Variants in ERP44 observed in about 807,000 individuals in gnomAD.
ERP44 encodes endoplasmic reticulum resident protein 44.
In ERP44, 25 loss-of-function variants were observed where a neutral mutation model predicts 53.4. The ratio of observed to expected loss-of-function variants is 0.47; its 90% CI spans 0.34 to 0.65. The LOEUF (loss-of-function observed/expected upper bound fraction) is 0.65, where lower values mean the gene tolerates loss of function less well. Among genes scored for constraint, ERP44 ranks in the 30% least tolerant of loss-of-function variants. The pLI is 0.01. For missense variants in ERP44, 338 were observed against 493.2 expected (o/e 0.69, Z 2.98); for synonymous variants, 145 against 161.2 (o/e 0.90, Z 0.76).
intron 10 of ERP44, among the ~76,000 whole-genome samples, chr9:99,999,956 T>C (rs185841776): frequency 6.2e-4 from 95 of 152,346 alleles, no homozygotes; most frequent in Middle Eastern, 6.8e-3. Flanking sequence ...CTTTTCTCTC[T>C]CTTTTTGGTG....
intron 8 of ERP44, among the ~76,000 whole-genome samples, chr9:100,009,771 C>T (rs556786457): frequency 5.9e-4 from 90 of 152,280 alleles, no homozygotes; most frequent in African/African-American, 2.0e-3. Flanking sequence ...TAAACAAGTA[C>T]CTTAAATACT....
intron 1 of ERP44, among the ~76,000 whole-genome samples, chr9:100,079,020 G>C (rs1257597322): frequency 6.6e-6 from 1 of 152,142 alleles, no homozygotes; most frequent in Non-Finnish European, 1.5e-5. Flanking sequence ...GGGTGGACTT[G>C]TGATGGTTAA....
chr9:100,076,378 G>C (rs942620966), intron 1 of ERP44, among the ~76,000 whole-genome samples: 1 of 152,178 alleles, frequency 6.6e-6, no homozygotes, highest in African/African-American at 2.4e-5. Context: ...TGCACCAATG[G>C]CCTCATGGGG....
intron 10 of ERP44, among the ~76,000 whole-genome samples, chr9:99,999,675 T>G (rs1341192885): frequency 6.6e-6 from 1 of 152,202 alleles, no homozygotes; most frequent in Non-Finnish European, 1.5e-5. Context: ...GCAGAAACTT[T>G]TTAGTTTGAC....
At chr9:100,041,049 A>G (rs1208464995) in intron 4 of ERP44, among the ~76,000 whole-genome samples, 1 of 152,214 alleles carries the variant, frequency 6.6e-6, no homozygotes, top group African/African-American at 2.4e-5. Flanking sequence ...TGGAAGAATC[A>G]ATATTGTGAA....
Position 99,984,989 on chromosome 9 carries a change from G to A in ERP44, c.1097C>T (p.Pro366Leu), listed in dbSNP as rs1830181297. ...LHREFHHGPD[P>L]TDTAPGEQAQ... Reference sequence around the variant, plus strand: ...TACCTCTCCTGGGGCTGTATCAGTTGGGTCAGGTCCATGATGGAATTCTCT... The same window carrying A: ...TACCTCTCCTGGGGCTGTATCAGTTAGGTCAGGTCCATGATGGAATTCTCT... Residue 366 changes from proline to leucine, a missense_variant, in exon 11 of 12, where the codon CCA (proline) becomes CTA (leucine). Transcript: ENST00000262455. 2 of 1,611,622 alleles carry A rather than the reference G, an allele frequency of 1.2e-6. No individual in the cohort carries two copies. The highest frequency in any genetic ancestry group is 1.1e-5 in the South Asian group (1 of 90,998).
Position 100,072,671 on chromosome 9 carries a change from C to T in ERP44, c.58-12499G>A, listed in dbSNP as rs572248743. Among the ~76,000 whole-genome samples, 11 of 152,194 alleles carry T rather than the reference C, an allele frequency of 7.2e-5. No homozygotes were observed. The East Asian group carries it at 1.7e-3, about 24-fold the overall frequency. ...CTGAGTAGCTGGGATTACAAGTGTG[C>T]GCCACCACGTCTGGCTAATTTTTTG... On this transcript the variant is annotated intron_variant, in intron 1 of 11. Transcript: ENST00000262455.
At chr9:100,001,364 G>A (rs898852541) in intron 10 of ERP44, among the ~76,000 whole-genome samples, 3 of 152,088 alleles carry the variant, frequency 2.0e-5, no homozygotes, top group Non-Finnish European at 2.9e-5. Flanking sequence ...GTCCCTTTGA[G>A]CTAAAACTAT....
At chr9:99,994,506 G>T (rs1587956193) in intron 10 of ERP44, among the ~76,000 whole-genome samples, 1 of 152,164 alleles carries the variant, frequency 6.6e-6, no homozygotes. Context: ...CTGGTGTGGG[G>T]TGAGGGGAGC....
Position 100,007,534 on chromosome 9 carries a change from A to G in ERP44, c.874+44T>C, listed in dbSNP as rs765202497. 5 of 978,262 alleles carry G rather than the reference A, an allele frequency of 5.1e-6. No individual in the cohort carries two copies. The South Asian group carries it at 5.2e-5, about 10-fold the overall frequency. 60.6% of individuals were successfully genotyped at this position (978,262 alleles called of 1,614,324 possible). A position where few individuals can be genotyped will look rare whatever the true frequency, so the allele number is the denominator to read the frequency against. On this transcript the variant is annotated intron_variant, in intron 9 of 11. Coordinates refer to ENST00000262455, the MANE Select transcript of ERP44 (RefSeq NM_015051.3). ...GAGATGATGAAAGGGAAAAAAAGAA[A>G]AGAGAGAAAGAAATGATGAAAATAA... is the stretch of plus-strand genomic sequence containing the variant.
intron 1 of ERP44, among the ~76,000 whole-genome samples, chr9:100,077,362 C>T (rs112652609): frequency 0.19 from 29,366 of 152,112 alleles, 4,569 homozygotes; most frequent in African/African-American, 0.43. Flanking sequence ...ATTGACAGAA[C>T]GATGGAATCG....
intron 10 of ERP44, among the ~76,000 whole-genome samples, chr9:99,990,302 T>A (rs1057070164): frequency 6.6e-6 from 1 of 152,184 alleles, no homozygotes; most frequent in Non-Finnish European, 1.5e-5. Flanking sequence ...CCCATCAGAC[T>A]AACAGCGGAT....
At chr9:100,039,949 A>C (rs1284136329) in intron 4 of ERP44, among the ~76,000 whole-genome samples, 1 of 152,128 alleles carries the variant, frequency 6.6e-6, no homozygotes, top group Non-Finnish European at 1.5e-5. Context: ...AGACACATAC[A>C]ACCTACCAAG....
chr9:100,096,931 G>A (rs140671551), intron 1 of ERP44, among the ~76,000 whole-genome samples: 27 of 152,306 alleles, frequency 1.8e-4, no homozygotes, highest in African/African-American at 6.3e-4. Context: ...AGACAGGATA[G>A]ATGTTTTATA....
At chr9:99,993,049 G>A (rs1830272504) in intron 10 of ERP44, among the ~76,000 whole-genome samples, 1 of 152,106 alleles carries the variant, frequency 6.6e-6, no homozygotes, top group East Asian at 1.9e-4. Context: ...CCATGCTCGT[G>A]GATAGGAAGA....
intron 4 of ERP44, among the ~76,000 whole-genome samples, chr9:100,038,768 C>T (rs1825871676): frequency 6.6e-6 from 1 of 151,968 alleles, no homozygotes; most frequent in East Asian, 1.9e-4. Flanking sequence ...CACTCTACCT[C>T]TAAAGACATA....
intron 8 of ERP44, among the ~76,000 whole-genome samples, chr9:100,008,460 TC>T (rs1830441050): frequency 6.6e-6 from 1 of 152,148 alleles, no homozygotes; most frequent in South Asian, 2.1e-4. Flanking sequence ...TCATTTATTC[TC>T]CCCAACAAAT....
At chr9:100,031,324 T>A (rs551076241) in intron 4 of ERP44, among the ~76,000 whole-genome samples, 2 of 152,212 alleles carry the variant, frequency 1.3e-5, no homozygotes, top group Non-Finnish European at 2.9e-5. Flanking sequence ...CATGTCATAG[T>A]TTGCTCAAAA....
intron 10 of ERP44, chr9:99,999,137 C>G (rs1012040987): frequency 3.5e-6 from 2 of 577,656 alleles, no homozygotes; most frequent in Non-Finnish European, 3.1e-6. Context: ...CACAGTGTAC[C>G]GCGCTGGGAG....
Sources: gnomAD v4.1 joint callset for allele counts (sites outside exome capture counted in the v4.1 genomes callset) on GRCh38, gnomAD v4.1.1 for gene constraint, MANE v1.5 for transcripts, NCBI Gene and HGNC (gene_info 2026-07-23, HGNC 2026-07-21) for gene names.